The following CCSER1 variants were observed in gnomAD, a reference collection of about 807,000 sequenced individuals.
CCSER1 encodes the protein serine-rich coiled-coil domain-containing protein 1.
Under a neutral mutation model 82.0 loss-of-function variants are expected in CCSER1, and 41 were observed. The ratio of observed to expected loss-of-function variants is 0.50; its 90% CI spans 0.39 to 0.65. The LOEUF is 0.65. Ranked by LOEUF, CCSER1 falls within the 30% of genes least tolerant of loss-of-function variation. CCSER1 has a pLI of 0.00. For missense variants in CCSER1, 1,119 were observed against 1,064.2 expected (o/e 1.05, Z -0.72); for synonymous variants, 414 against 383.9 (o/e 1.08, Z -0.92).
intron 10 of CCSER1, among the ~76,000 whole-genome samples, chr4:91,451,954 G>T (rs1348478135): frequency 6.6e-6 from 1 of 151,896 alleles, no homozygotes; most frequent in Non-Finnish European, 1.5e-5. Flanking sequence ...CTCTGGACTG[G>T]GCCAACAATA....
At chr4:90,182,248 A>G (rs1733858127) in intron 1 of CCSER1, among the ~76,000 whole-genome samples, 1 of 152,028 alleles carries the variant, frequency 6.6e-6, no homozygotes, top group South Asian at 2.1e-4. Flanking sequence ...GGAAAATAAG[A>G]GTTATGGTTT....
chr4:90,411,357 C>T (rs184585096), intron 4 of CCSER1, among the ~76,000 whole-genome samples: 1,541 of 152,262 alleles, frequency 0.01, 16 homozygotes, highest in South Asian at 0.03. Context: ...CTGATGAACA[C>T]TGATGCAAAA....
intron 10 of CCSER1, among the ~76,000 whole-genome samples, chr4:91,576,208 A>C (rs981209463): frequency 2.0e-5 from 3 of 152,038 alleles, no homozygotes; most frequent in Non-Finnish European, 4.4e-5. Flanking sequence ...TATATAATAT[A>C]ACTTTATTCA....
chr4:90,366,282 T>A (rs1746273742), intron 3 of CCSER1, among the ~76,000 whole-genome samples: 1 of 151,928 alleles, frequency 6.6e-6, no homozygotes, highest in Admixed American at 6.6e-5. Context: ...AAGACAAAGA[T>A]GTTAGTATCT....
At chr4:91,081,110 G>A (rs984276849) in intron 9 of CCSER1, among the ~76,000 whole-genome samples, 7 of 152,058 alleles carry the variant, frequency 4.6e-5, no homozygotes, top group African/African-American at 1.4e-4. Flanking sequence ...AACAAAAAAA[G>A]GGAGTTTTAG....
chr4:91,485,535 C>T (rs1758169199), intron 10 of CCSER1, among the ~76,000 whole-genome samples: 1 of 152,130 alleles, frequency 6.6e-6, no homozygotes, highest in South Asian at 2.1e-4. Context: ...TGAATACTCT[C>T]CTGCCTTTTA....
At chr4:90,799,504 A>G (rs920854894) in intron 7 of CCSER1, among the ~76,000 whole-genome samples, 3 of 152,138 alleles carry the variant, frequency 2.0e-5, no homozygotes, top group Admixed American at 2.0e-4. Flanking sequence ...AGCTCTCTGC[A>G]GCTCAGGCAC....
intron 10 of CCSER1, among the ~76,000 whole-genome samples, chr4:91,365,532 G>T (rs1424266013): frequency 6.6e-6 from 1 of 152,124 alleles, no homozygotes; most frequent in African/African-American, 2.4e-5. Context: ...TTTTGTTTCA[G>T]TGGTACAGAA....
intron 1 of CCSER1, among the ~76,000 whole-genome samples, chr4:90,164,521 C>T (rs1006959843): frequency 1.3e-5 from 2 of 151,880 alleles, no homozygotes; most frequent in African/African-American, 2.4e-5. Context: ...TGAAGTAGCA[C>T]AGATAGTAGA....
chr4:91,441,657 A>G (rs1339761821), intron 10 of CCSER1, among the ~76,000 whole-genome samples: 11 of 152,166 alleles, frequency 7.2e-5, no homozygotes, highest in East Asian at 1.9e-4. Context: ...AGGGTATTCA[A>G]TTAGGAAAAG....
chr4:90,645,390 C>T (rs1727377289), intron 6 of CCSER1, among the ~76,000 whole-genome samples: 1 of 152,150 alleles, frequency 6.6e-6, no homozygotes, highest in Admixed American at 6.5e-5. Flanking sequence ...ATATTCGTAG[C>T]TTCTATTTGA....
At chr4:90,129,669 G>T (rs910212272) in intron 1 of CCSER1, among the ~76,000 whole-genome samples, 1 of 152,130 alleles carries the variant, frequency 6.6e-6, no homozygotes, top group African/African-American at 2.4e-5. Context: ...AAATTAATTA[G>T]TTATTTTGAT....
chr4:90,499,970 A>G (rs1360613230), intron 5 of CCSER1, among the ~76,000 whole-genome samples: 2 of 152,188 alleles, frequency 1.3e-5, no homozygotes, highest in African/African-American at 2.4e-5. Context: ...TAAAATTGCA[A>G]TTTTATACAC....
chr4:90,742,152 A>C (rs1326356481), intron 7 of CCSER1, among the ~76,000 whole-genome samples: 4 of 152,134 alleles, frequency 2.6e-5, no homozygotes, highest in African/African-American at 9.7e-5. Context: ...CCAGATTTTG[A>C]GAGAACTCTG....
chr4:90,388,661 G>A (rs1479814296), intron 3 of CCSER1, among the ~76,000 whole-genome samples: 1 of 145,480 alleles, frequency 6.9e-6, no homozygotes, highest in South Asian at 2.2e-4. Context: ...TTGAGACGAA[G>A]TCTCATTCTT....
chr4:91,080,189 T>C (rs953093200), intron 9 of CCSER1, among the ~76,000 whole-genome samples: 3 of 152,180 alleles, frequency 2.0e-5, no homozygotes, highest in Admixed American at 6.5e-5. Context: ...TCAGCAAATG[T>C]AGAAGAACAG....
intron 5 of CCSER1, among the ~76,000 whole-genome samples, chr4:90,581,301 A>G (rs370324202): frequency 6.6e-6 from 1 of 152,160 alleles, no homozygotes; most frequent in East Asian, 1.9e-4. Flanking sequence ...CTATGAGCAC[A>G]TGTAAAAGAT....
intron 9 of CCSER1, among the ~76,000 whole-genome samples, chr4:90,944,672 T>A (rs1732021261): frequency 6.6e-6 from 1 of 152,206 alleles, no homozygotes; most frequent in Admixed American, 6.5e-5. Flanking sequence ...ATCCATAAAT[T>A]CTAAGTTCAT....
intron 9 of CCSER1, among the ~76,000 whole-genome samples, chr4:90,950,465 A>T (rs1192315411): frequency 6.6e-6 from 1 of 152,054 alleles, no homozygotes; most frequent in East Asian, 1.9e-4. Flanking sequence ...ATCATCACCT[A>T]CTAATCAAAT....
Sources: gnomAD v4.1 joint callset for allele counts (sites outside exome capture counted in the v4.1 genomes callset) on GRCh38, gnomAD v4.1.1 for gene constraint, MANE v1.5 for transcripts, NCBI Gene and HGNC (gene_info 2026-07-23, HGNC 2026-07-21) for gene names.